NUDT3: variants seen among roughly 807,000 people sequenced by gnomAD.
NUDT3 encodes the protein diphosphoinositol polyphosphate phosphohydrolase 1.
NUDT3 carries 9 observed loss-of-function variants against 23.6 expected under a neutral mutation model. That is an observed-to-expected ratio of 0.38 (90% CI 0.23 to 0.66). The LOEUF (loss-of-function observed/expected upper bound fraction) is 0.66, where lower values mean the gene tolerates loss of function less well. Ranked by LOEUF, NUDT3 falls within the 30% of genes least tolerant of loss-of-function variation. The pLI is 0.52. For missense variants in NUDT3, 172 were observed against 218.5 expected (o/e 0.79, Z 1.34); for synonymous variants, 86 against 82.6 (o/e 1.04, Z -0.22).
chr6:34,376,354 G>A (rs140058263), intron 1 of NUDT3, among the ~76,000 whole-genome samples: 1 of 151,936 alleles, frequency 6.6e-6, no homozygotes, highest in Non-Finnish European at 1.5e-5. Flanking sequence ...ATGGCATCTA[G>A]TGCAGCCTCG....
At chr6:34,389,706 G>C (rs1765164000) in intron 1 of NUDT3, among the ~76,000 whole-genome samples, 1 of 152,268 alleles carries the variant, frequency 6.6e-6, no homozygotes, top group Middle Eastern at 3.4e-3. Flanking sequence ...GCTCACGCCT[G>C]TAATCCCAGC....
rs1011759730 is a variant in NUDT3, at chr6:34,325,224, A to AT, written c.210+16637dup. On this transcript the variant is annotated intron_variant, in intron 2 of 4. Coordinates refer to ENST00000607016, the MANE Select transcript of NUDT3 (RefSeq NM_006703.4). ...TTTCACTGATTACTTTATATAATGA[A>AT]TTTTTTTTTCTTTTTTCTTTTTTAA... 1.9e-4 allele frequency among the ~76,000 whole-genome samples: 29 copies of AT among 149,970 alleles called. No individual in the cohort carries two copies. The South Asian group carries it at 2.1e-3, about 11-fold the overall frequency.
At position 34,286,504 on chromosome 6, in the gene NUDT3, CTACTT is replaced by C. The variant is rs1275952716; in HGVS notation, c.*2244_*2248del. ...AATTCCACCTGGCACTTGGTTAAAT[CTACTT>C]TATTTTGCCCTTTATTTATTTGAAC... is the stretch of plus-strand genomic sequence containing the variant. On this transcript the variant is annotated 3_prime_UTR_variant, in exon 5 of 5. Coordinates refer to ENST00000607016, the MANE Select transcript of NUDT3 (RefSeq NM_006703.4). 2 of 152,148 alleles carry C rather than the reference CTACTT, an allele frequency of 1.3e-5. No individual in the cohort carries two copies. The highest frequency in any genetic ancestry group is 3.8e-4 in the East Asian group (2 of 5,200). The allele number at this position is 152,148 out of a possible 1,614,324, so 9.4% of individuals were successfully genotyped here.
chr6:34,365,910 G>A (rs1246777580), intron 1 of NUDT3, among the ~76,000 whole-genome samples: 3 of 152,060 alleles, frequency 2.0e-5, no homozygotes, highest in Middle Eastern at 3.4e-3. Context: ...GGGTGGTGGC[G>A]CAAGCCTGTA....
At chr6:34,345,989 G>A (rs886697269) in intron 1 of NUDT3, among the ~76,000 whole-genome samples, 4 of 151,312 alleles carry the variant, frequency 2.6e-5, no homozygotes, top group Admixed American at 2.6e-4. Flanking sequence ...GGCTGGTCTC[G>A]AACTCCCGAA....
intron 2 of NUDT3, among the ~76,000 whole-genome samples, chr6:34,297,759 A>ATATATATATATATATATAT (rs60517827): frequency 1.3e-4 from 9 of 71,088 alleles, no homozygotes; most frequent in African/African-American, 3.3e-4. Context: ...ATATATATAT[A>ATATATATATATATATATAT]ATTTTTTTTT....
At chr6:34,317,595 C>A (rs762490415) in intron 2 of NUDT3, among the ~76,000 whole-genome samples, 9 of 152,106 alleles carry the variant, frequency 5.9e-5, no homozygotes, top group Admixed American at 3.3e-4. Flanking sequence ...GCCTTTGATT[C>A]TTTTAGCTGA....
At chr6:34,384,756 G>A (rs1321159425) in intron 1 of NUDT3, among the ~76,000 whole-genome samples, 2 of 152,168 alleles carry the variant, frequency 1.3e-5, no homozygotes, top group Non-Finnish European at 2.9e-5. Context: ...TGTAGGTTGG[G>A]CGTGGTGTCT....
At chr6:34,354,288 G>A (rs149346081) in intron 1 of NUDT3, among the ~76,000 whole-genome samples, 2,005 of 152,060 alleles carry the variant, frequency 0.013, 18 homozygotes, top group Non-Finnish European at 0.02. Flanking sequence ...TGGGATTACA[G>A]GCATGAGCCA....
intron 2 of NUDT3, among the ~76,000 whole-genome samples, chr6:34,315,351 T>TC (rs1437102152): frequency 6.6e-6 from 1 of 152,242 alleles, no homozygotes; most frequent in Non-Finnish European, 1.5e-5. Flanking sequence ...GTGGTCTTGT[T>TC]CTTTCTGAAA....
intron 2 of NUDT3, among the ~76,000 whole-genome samples, chr6:34,332,086 A>G (rs948913947): frequency 3.3e-5 from 5 of 151,940 alleles, no homozygotes; most frequent in African/African-American, 1.2e-4. Flanking sequence ...CGGTCTCACT[A>G]TGTTGCCCAG....
chr6:34,324,355 CAA>C (rs771271813), intron 2 of NUDT3, among the ~76,000 whole-genome samples: 14,102 of 114,660 alleles, frequency 0.12, 732 homozygotes, highest in Non-Finnish European at 0.15. Context: ...ACTACGCTTC[CAA>C]AAAAAAAAAA....
At chr6:34,372,017 G>T (rs528117584) in intron 1 of NUDT3, among the ~76,000 whole-genome samples, 1 of 152,230 alleles carries the variant, frequency 6.6e-6, no homozygotes, top group South Asian at 2.1e-4. Context: ...CCTTGCGATC[G>T]TTTGCTCAGA....
intron 2 of NUDT3, among the ~76,000 whole-genome samples, chr6:34,316,330 A>G (rs566222846): frequency 6.6e-6 from 1 of 152,320 alleles, no homozygotes; most frequent in East Asian, 1.9e-4. Flanking sequence ...CACAAAAGGT[A>G]GTAAAGAGGA....
rs141274689 is a variant in NUDT3 at position 34,288,894 on chromosome 6, T to G, written c.378A>C (p.Ile126=). The change falls in exon 5 of 5, where the codon ATA becomes ATC. Residue 126 remains isoleucine, a synonymous_variant. Transcript: ENST00000607016. Reference sequence around the variant, plus strand: ...CGGGTTTGTGATACTGCAGCACTTTTATGGCGTCTTCTATTTTAAACCATT... The same window carrying G: ...CGGGTTTGTGATACTGCAGCACTTTGATGGCGTCTTCTATTTTAAACCATT... ...KREWFKIEDA[I]KVLQYHKPVQ... The G allele has an allele frequency of 6.2e-7, 1 of 1,613,526 alleles. No individual in the cohort carries two copies. Among genetic ancestry groups the G allele is most frequent in the Admixed American group, 1.7e-5 (1 of 59,888 alleles).
At chr6:34,294,739 A>T (rs1177529524) in intron 3 of NUDT3, among the ~76,000 whole-genome samples, 1 of 151,940 alleles carries the variant, frequency 6.6e-6, no homozygotes, top group Non-Finnish European at 1.5e-5. Flanking sequence ...AAAAAAAAAA[A>T]GATTTATTTA....
chr6:34,308,638 GTAAC>G (rs1763721848), intron 2 of NUDT3, among the ~76,000 whole-genome samples: 1 of 152,074 alleles, frequency 6.6e-6, no homozygotes, highest in African/African-American at 2.4e-5. Flanking sequence ...GCAAGCAGGA[GTAAC>G]TAACTACACT....
intron 1 of NUDT3, among the ~76,000 whole-genome samples, chr6:34,364,824 G>C (rs1764702018): frequency 1.3e-5 from 2 of 149,822 alleles, no homozygotes; most frequent in Non-Finnish European, 3.0e-5. Flanking sequence ...ACGAGGTCAG[G>C]AGATCGAGAC....
At chr6:34,370,758 T>C (rs1764813717) in intron 1 of NUDT3, among the ~76,000 whole-genome samples, 1 of 152,214 alleles carries the variant, frequency 6.6e-6, no homozygotes. Context: ...ATTTTTGTTA[T>C]AGTTGTTGTA....
Sources: gnomAD v4.1 joint callset for allele counts (sites outside exome capture counted in the v4.1 genomes callset) on GRCh38, gnomAD v4.1.1 for gene constraint, MANE v1.5 for transcripts, NCBI Gene and HGNC (gene_info 2026-07-23, HGNC 2026-07-21) for gene names.